DENND4C: variants seen among roughly 807,000 people sequenced by gnomAD.
The protein encoded by DENND4C is DENN domain-containing protein 4C.
A neutral mutation model predicts 203.0 loss-of-function variants in DENND4C; 108 were observed. The observed-to-expected ratio is 0.53, with a 90% confidence interval of 0.46 to 0.62. The LOEUF is 0.62. Ranked by LOEUF, DENND4C falls within the 20% of genes least tolerant of loss-of-function variation. The probability of loss-of-function intolerance (pLI) is 0.00; values close to 1 mark genes in which losing one functional copy is unlikely to be tolerated. For synonymous variants in DENND4C, 871 were observed against 792.4 expected, an observed-to-expected ratio of 1.10 and a Z score of -1.67; for missense variants, 2,481 against 2,301.2, an observed-to-expected ratio of 1.08 and a Z score of -1.60.
chr9:19,307,643 G>T (rs371381197), intron 10 of DENND4C, among the ~76,000 whole-genome samples: 1 of 151,494 alleles, frequency 6.6e-6, no homozygotes, highest in East Asian at 2.0e-4. Flanking sequence ...GGTGGTGGGC[G>T]CCTGTAATCC....
intron 1 of DENND4C, among the ~76,000 whole-genome samples, chr9:19,253,378 T>C (rs1194035581): frequency 6.6e-6 from 1 of 152,202 alleles, no homozygotes; most frequent in East Asian, 1.9e-4. Flanking sequence ...AACCCTCTTA[T>C]GTATAAAACT....
At chr9:19,279,593 C>G (rs1412350904) in intron 2 of DENND4C, among the ~76,000 whole-genome samples, 1 of 151,874 alleles carries the variant, frequency 6.6e-6, no homozygotes, top group African/African-American at 2.4e-5. Context: ...AGGAGAATCA[C>G]TTGAACCCAG....
In DENND4C at chr9:19,319,379, T is replaced by TATATATATACATATATATATACAC. The variant is rs1366607176; in HGVS notation, c.1807+2541_1807+2542insTATATATACATATATATATACACA. On this transcript the variant is annotated intron_variant, in intron 12 of 32. Transcript: ENST00000434457. The stretch of plus-strand genomic sequence containing the variant: ...ATATATACACACATATATATACACA[T>TATATATATACATATATATATACAC]ACATATATATATACATATATATATA... 4.6e-3 allele frequency among the ~76,000 whole-genome samples: 490 copies of TATATATATACATATATATATACAC among 105,658 alleles called. 3 individuals are homozygous for TATATATATACATATATATATACAC. The highest frequency in any genetic ancestry group is 0.021 in the African/African-American group (461 of 22,388). 69.3% of individuals were successfully genotyped at this position (105,658 alleles called of 152,430 possible). A position where few individuals can be genotyped will look rare whatever the true frequency, so the allele number is the denominator to read the frequency against.
chr9:19,285,025 G>A (rs764073799), intron 2 of DENND4C, among the ~76,000 whole-genome samples: 2 of 152,042 alleles, frequency 1.3e-5, no homozygotes, highest in Non-Finnish European at 2.9e-5. Context: ...ATCCACCGGG[G>A]GATCCCCTTC....
rs1827238119 is a variant in DENND4C, at chr9:19,253,763, C to G, written c.-17-22395C>G. On this transcript the variant is annotated intron_variant, in intron 1 of 32. Coordinates refer to ENST00000434457, the MANE Select transcript of DENND4C (RefSeq NM_001330640.2). The stretch of plus-strand genomic sequence containing the variant: ...GAGACAAGGTCTCACTCTGAGCGAC[C>G]TAACCCAGTGCATTTAGTCTTGTAA... Among the ~76,000 whole-genome samples, 3 of 152,080 alleles carry G rather than the reference C, an allele frequency of 2.0e-5. No individual in the cohort carries two copies. The South Asian group carries it at 6.2e-4, about 32-fold the overall frequency.
chr9:19,307,070 C>G (rs373916721), intron 10 of DENND4C, among the ~76,000 whole-genome samples: 4 of 152,060 alleles, frequency 2.6e-5, no homozygotes, highest in East Asian at 3.9e-4. Flanking sequence ...AGGCATGAGC[C>G]ACTGTGCCCG....
intron 25 of DENND4C, 56 bp from the exon 26 acceptor site, chr9:19,352,434 C>G (rs551971651): frequency 9.6e-6 from 14 of 1,455,628 alleles, no homozygotes; most frequent in Non-Finnish European, 1.2e-5. Flanking sequence ...AAGAGAATTC[C>G]TGTTAAGATT....
At chr9:19,253,387 C>T (rs577661835) in intron 1 of DENND4C, among the ~76,000 whole-genome samples, 1 of 152,262 alleles carries the variant, frequency 6.6e-6, no homozygotes, top group African/African-American at 2.4e-5. Flanking sequence ...ATGTATAAAA[C>T]TTTCAGTGGC....
chr9:19,265,909 A>C (rs1830398361), intron 1 of DENND4C, among the ~76,000 whole-genome samples: 1 of 152,296 alleles, frequency 6.6e-6, no homozygotes, highest in Non-Finnish European at 1.5e-5. Context: ...TGCCACAGTA[A>C]ACATATGTGT....
chr9:19,263,704 A>T (rs1433921635), intron 1 of DENND4C, among the ~76,000 whole-genome samples: 1 of 140,846 alleles, frequency 7.1e-6, no homozygotes, highest in African/African-American at 2.7e-5. Context: ...ACCCAGGCTG[A>T]AGTGCAATGG....
intron 10 of DENND4C, among the ~76,000 whole-genome samples, chr9:19,311,185 C>T (rs1446755019): frequency 6.6e-6 from 1 of 151,936 alleles, no homozygotes; most frequent in East Asian, 1.9e-4. Flanking sequence ...GTAGAGTGGC[C>T]CAATCTTGGC....
chr9:19,263,657 A>ATTTTTTT (rs111309104), intron 1 of DENND4C, among the ~76,000 whole-genome samples: 2 of 99,288 alleles, frequency 2.0e-5, no homozygotes, highest in Non-Finnish European at 4.4e-5. Flanking sequence ...TTTTCTTCCC[A>ATTTTTTT]TTTTTTTTTT....
intron 1 of DENND4C, among the ~76,000 whole-genome samples, chr9:19,249,917 C>T (rs1260285533): frequency 1.3e-5 from 2 of 152,166 alleles, no homozygotes; most frequent in Non-Finnish European, 2.9e-5. Context: ...TTCAGCCTCC[C>T]AAATTGCTGG....
intron 2 of DENND4C, among the ~76,000 whole-genome samples, chr9:19,283,712 C>G (rs998101344): frequency 6.6e-6 from 1 of 151,142 alleles, no homozygotes; most frequent in Admixed American, 6.6e-5. Flanking sequence ...CCCTCACCCC[C>G]ACCCCCGCCA....
At chr9:19,297,876 G>A (rs1245240405) in intron 6 of DENND4C, among the ~76,000 whole-genome samples, 180 bp from the exon 7 acceptor site, 2 of 152,124 alleles carry the variant, frequency 1.3e-5, no homozygotes, top group African/African-American at 2.4e-5. Flanking sequence ...GTGTATTTCA[G>A]AAGTTTAATG....
chr9:19,292,897 A>G (rs1320254939), intron 5 of DENND4C, among the ~76,000 whole-genome samples: 1 of 152,202 alleles, frequency 6.6e-6, no homozygotes, highest in African/African-American at 2.4e-5. Context: ...TTGAAAAAAT[A>G]TATAATCTGA....
chr9:19,283,837 C>T (rs754817296), intron 2 of DENND4C, among the ~76,000 whole-genome samples: 9 of 151,936 alleles, frequency 5.9e-5, no homozygotes, highest in African/African-American at 1.2e-4. Flanking sequence ...TCAGGTGATC[C>T]GCCCACTTCT....
chr9:19,323,226 G>A (rs866360992), intron 12 of DENND4C, among the ~76,000 whole-genome samples: 10 of 152,250 alleles, frequency 6.6e-5, no homozygotes, highest in South Asian at 4.1e-4. Context: ...CCTGAGGTCC[G>A]TTCAAGACCA....
intron 1 of DENND4C, among the ~76,000 whole-genome samples, chr9:19,266,565 G>A (rs1830542228): frequency 6.6e-6 from 1 of 152,142 alleles, no homozygotes. Context: ...CATGCTACGT[G>A]ACTTCAAACT....
Sources: allele counts gnomAD v4.1 joint callset (sites outside exome capture counted in the v4.1 genomes callset), GRCh38; gene constraint gnomAD v4.1.1; transcripts MANE v1.5; gene names NCBI Gene and HGNC (gene_info 2026-07-23, HGNC 2026-07-21).